ATG14: variants seen among roughly 807,000 people sequenced by gnomAD.
ATG14 encodes beclin 1-associated autophagy-related key regulator.
ATG14 carries 35 observed loss-of-function variants against 60.4 expected under a neutral mutation model. That is an observed-to-expected ratio of 0.58 (90% CI 0.44 to 0.77). The LOEUF (loss-of-function observed/expected upper bound fraction) is 0.77. ATG14 is among the 30% of genes least tolerant of loss of function. ATG14 has a pLI of 0.00. For missense variants in ATG14, 647 were observed against 626.3 expected (o/e 1.03, Z -0.35); for synonymous variants, 234 against 228.8 (o/e 1.02, Z -0.21).
rs746693048 is a variant in ATG14 at position 55,366,691 on chromosome 14, C to G, written c.*2928G>C. ...TCTTTAACAGACCATTTTAAGCAGC[C>G]TGTTTGGTGCCTGTGGGTTTTTATT... On this transcript the variant is annotated 3_prime_UTR_variant, in exon 10 of 10. Coordinates refer to ENST00000247178, the MANE Select transcript of ATG14 (RefSeq NM_014924.5). 1 of 152,502 alleles carries G rather than the reference C, an allele frequency of 6.6e-6. No homozygotes were observed. Among genetic ancestry groups the G allele is most frequent in the Non-Finnish European group, 1.5e-5 (1 of 68,046 alleles). The allele number at this position is 152,502 out of a possible 1,614,324, so 9.4% of individuals were successfully genotyped here.
chr14:55,376,480 T>C (rs568741469), intron 9 of ATG14, among the ~76,000 whole-genome samples: 7 of 152,236 alleles, frequency 4.6e-5, no homozygotes, highest in African/African-American at 1.4e-4. Context: ...TGGCACAACA[T>C]TGTAAGTATA....
intron 1 of ATG14, among the ~76,000 whole-genome samples, chr14:55,400,508 A>G (rs1885379622): frequency 6.6e-6 from 1 of 152,220 alleles, no homozygotes; most frequent in Non-Finnish European, 1.5e-5. Flanking sequence ...GGTGAACACC[A>G]TTCTTCCTTC....
chr14:55,373,656 C>G (rs1722996949), intron 9 of ATG14, among the ~76,000 whole-genome samples: 2 of 152,048 alleles, frequency 1.3e-5, no homozygotes, highest in African/African-American at 4.8e-5. Flanking sequence ...GATGCAGTTT[C>G]CCATGTTGGC....
At chr14:55,401,735 G>C (rs1269753848) in intron 1 of ATG14, among the ~76,000 whole-genome samples, 1 of 152,120 alleles carries the variant, frequency 6.6e-6, no homozygotes, top group Non-Finnish European at 1.5e-5. Flanking sequence ...ACAAGGAGAA[G>C]GGTGCTCGCA....
chr14:55,411,436 C>T (rs1594786799), intron 1 of ATG14, among the ~76,000 whole-genome samples, 166 bp downstream of exon 1: 1 of 152,194 alleles, frequency 6.6e-6, no homozygotes, highest in African/African-American at 2.4e-5. Flanking sequence ...CTACGCTGTC[C>T]TCTGGTAGCA....
intron 9 of ATG14, among the ~76,000 whole-genome samples, chr14:55,374,610 C>T (rs1280717495): frequency 6.6e-6 from 1 of 152,136 alleles, no homozygotes; most frequent in Non-Finnish European, 1.5e-5. Context: ...TCCCTCACCA[C>T]CCTATCATTA....
chr14:55,377,570 T>C (rs961704134), intron 9 of ATG14, among the ~76,000 whole-genome samples: 1 of 152,102 alleles, frequency 6.6e-6, no homozygotes, highest in African/African-American at 2.4e-5. Flanking sequence ...TCCAGGAACA[T>C]GTGGGTTCTT....
chr14:55,378,655 CCACT>C (rs1392151766), intron 7 of ATG14, among the ~76,000 whole-genome samples: 1 of 152,038 alleles, frequency 6.6e-6, no homozygotes, highest in African/African-American at 2.4e-5. Context: ...ACACACCTGC[CCACT>C]CAAACACAGC....
chr14:55,383,906 G>A lies in ATG14; in HGVS notation c.648-1715C>T, dbSNP rs1885079904. Reference sequence around the variant, plus strand: ...AGGGAAGTGCCAGGCGACAGTACTGGGAAAGCAGGTAGGAAGCAGGCAGTC... The same window carrying A: ...AGGGAAGTGCCAGGCGACAGTACTGAGAAAGCAGGTAGGAAGCAGGCAGTC... On this transcript the variant is annotated intron_variant, in intron 5 of 9. Transcript: ENST00000247178. Among the ~76,000 whole-genome samples the A allele has an allele frequency of 2.6e-5, 4 of 152,346 alleles. No homozygotes were observed. In the South Asian group the frequency reaches 8.3e-4, roughly 32 times the overall value.
intron 4 of ATG14, among the ~76,000 whole-genome samples, chr14:55,388,040 G>A (rs1260456073): frequency 2.0e-5 from 3 of 152,100 alleles, no homozygotes; most frequent in African/African-American, 7.2e-5. Flanking sequence ...GGGAGGCTGA[G>A]GCAGGAGAAT....
At chr14:55,370,710 T>G (rs991134676) in intron 9 of ATG14, among the ~76,000 whole-genome samples, 2 of 152,024 alleles carry the variant, frequency 1.3e-5, no homozygotes, top group Non-Finnish European at 2.9e-5. Flanking sequence ...GGCGCCATCT[T>G]GGCTCCTGCA....
chr14:55,396,211 A>G (rs1885311774), intron 2 of ATG14, among the ~76,000 whole-genome samples: 1 of 152,196 alleles, frequency 6.6e-6, no homozygotes, highest in Non-Finnish European at 1.5e-5. Flanking sequence ...AAATGTCCAC[A>G]ATAAATCTGC....
rs184086067 is a variant in ATG14 at position 55,393,223 on chromosome 14, A to T, written c.328-2231T>A. On this transcript the variant is annotated intron_variant, in intron 3 of 9. Transcript: ENST00000247178. ...GGTGAAACCCCGTCTCTACTAAAAA[A>T]ACACAAAAAAACTTAGCCGGGCGTG... Among the ~76,000 whole-genome samples the T allele has an allele frequency of 4.1e-3, 603 of 148,010 alleles. 3 individuals are homozygous for T. Among genetic ancestry groups the T allele is most frequent in the African/African-American group, 0.01 (413 of 41,218 alleles).
chr14:55,401,592 T>C (rs1187271678), intron 1 of ATG14, among the ~76,000 whole-genome samples: 1 of 152,234 alleles, frequency 6.6e-6, no homozygotes, highest in African/African-American at 2.4e-5. Flanking sequence ...CTAAAAAGTA[T>C]TCTCTCAAAT....
chr14:55,398,142 G>A (rs975253578), intron 1 of ATG14, among the ~76,000 whole-genome samples: 2 of 151,916 alleles, frequency 1.3e-5, no homozygotes, highest in Admixed American at 6.6e-5. Context: ...TAGTAGAGAC[G>A]GGGTTTCACT....
At chr14:55,405,577 C>T (rs1566586401) in intron 1 of ATG14, among the ~76,000 whole-genome samples, 1 of 152,270 alleles carries the variant, frequency 6.6e-6, no homozygotes, top group East Asian at 1.9e-4. Context: ...ATTCTCAGTC[C>T]CATTCCCCCA....
At chr14:55,396,535 A>C (rs923015235) in intron 2 of ATG14, among the ~76,000 whole-genome samples, 1 of 152,208 alleles carries the variant, frequency 6.6e-6, no homozygotes. Flanking sequence ...CTTGGGTTAC[A>C]CTTTGGGAAT....
At position 55,380,875 on chromosome 14, in the gene ATG14, A is replaced by ATAT. The variant is rs377330757; in HGVS notation, c.878-186_878-185insATA. Among the ~76,000 whole-genome samples the ATAT allele has an allele frequency of 4.4e-4, 50 of 112,702 alleles. 1 individual carries two copies. The highest frequency in any genetic ancestry group is 1.3e-3 in the Admixed American group (14 of 11,120). 73.9% of individuals were successfully genotyped at this position (112,702 alleles called of 152,430 possible). ...TGTGTGTATATATATATATATATAT[A>ATAT]TTTTTTTTTTTTTTTTTGCTGAGAG... On this transcript the variant is annotated intron_variant, in intron 6 of 9. Coordinates refer to ENST00000247178, the MANE Select transcript of ATG14 (RefSeq NM_014924.5).
chr14:55,380,223 G>A (rs372453505), intron 7 of ATG14, among the ~76,000 whole-genome samples: 2 of 151,880 alleles, frequency 1.3e-5, no homozygotes, highest in Admixed American at 1.3e-4. Flanking sequence ...ACTCTGGCCT[G>A]GGCGACAGAG....
Sources: gnomAD v4.1 joint callset for allele counts (sites outside exome capture counted in the v4.1 genomes callset) on GRCh38, gnomAD v4.1.1 for gene constraint, MANE v1.5 for transcripts, NCBI Gene and HGNC (gene_info 2026-07-23, HGNC 2026-07-21) for gene names.